Variants in PPFIA1 observed in about 807,000 individuals in gnomAD.
PPFIA1 encodes liprin-alpha-1.
A neutral mutation model predicts 149.9 loss-of-function variants in PPFIA1; 25 were observed. That is an observed-to-expected ratio of 0.17 (90% CI 0.12 to 0.23). The LOEUF (loss-of-function observed/expected upper bound fraction) is 0.23, where lower values mean the gene tolerates loss of function less well. Ranked by LOEUF, PPFIA1 falls within the 10% of genes least tolerant of loss-of-function variation. The probability of loss-of-function intolerance (pLI) is 1.00; values close to 1 mark genes in which losing one functional copy is unlikely to be tolerated. For synonymous variants in PPFIA1, 549 were observed against 552.8 expected (o/e 0.99, Z 0.10); for missense variants, 1,362 against 1,506.5 (o/e 0.90, Z 1.59).
chr11:70,355,787 A>C lies in PPFIA1; in HGVS notation c.2464A>C (p.Thr822Pro), dbSNP rs201925057. 16 of 1,612,564 alleles carry C rather than the reference A, an allele frequency of 9.9e-6. No homozygotes were observed. Among genetic ancestry groups the C allele is most frequent in the Non-Finnish European group, 1.3e-5 (15 of 1,179,604 alleles). Residue 822 changes from threonine (T) to proline (P), a missense_variant, in exon 18 of 28, where the codon ACT becomes CCT. By Grantham distance (38) the Thr-to-Pro change is conservative. Coordinates refer to ENST00000253925, the MANE Select transcript of PPFIA1 (RefSeq NM_003626.5). ...GKKEKGRPGQ[T>P]GKEALGQAGV... Reference sequence around the variant, plus strand: ...GAAAGAAAAGGGCCGACCTGGACAAACTGGCAAAGAAGCATTAGGACAAGG... The same window carrying C: ...GAAAGAAAAGGGCCGACCTGGACAACCTGGCAAAGAAGCATTAGGACAAGG...
chr11:70,330,736 C>A (rs989354002), intron 8 of PPFIA1, among the ~76,000 whole-genome samples: 1 of 152,074 alleles, frequency 6.6e-6, no homozygotes, highest in African/African-American at 2.4e-5. Context: ...GTGGGAAGAT[C>A]GCTTGAGCCC....
chr11:70,287,796 G>A (rs540777655), intron 2 of PPFIA1, among the ~76,000 whole-genome samples: 3 of 151,778 alleles, frequency 2.0e-5, no homozygotes, highest in African/African-American at 7.2e-5. Flanking sequence ...TGCATGTACC[G>A]CCACACCTGG....
Position 70,324,302 on chromosome 11 carries a change from G to C in PPFIA1, c.265-100G>C, listed in dbSNP as rs565404071. ...CACTGAGATCCCTTCCCCATAACTT[G>C]TAATGAGGTTGCCTTTGTGTGAAGA... On this transcript the variant is annotated intron_variant, in intron 2 of 27. Coordinates refer to ENST00000253925, the MANE Select transcript of PPFIA1 (RefSeq NM_003626.5). 1.8e-4 allele frequency: 142 copies of C among 780,762 alleles called. 2 individuals are homozygous for C. Among genetic ancestry groups the C allele is most frequent in the South Asian group, 3.3e-4 (18 of 54,694 alleles). 48.4% of individuals were successfully genotyped at this position (780,762 alleles called of 1,614,324 possible).
At chr11:70,280,814 T>G (rs1360745368) in intron 2 of PPFIA1, among the ~76,000 whole-genome samples, 2 of 152,188 alleles carry the variant, frequency 1.3e-5, no homozygotes, top group African/African-American at 4.8e-5. Context: ...GTGAGCCTCC[T>G]ACCTTGACAT....
chr11:70,296,134 A>G (rs919839376), intron 2 of PPFIA1, among the ~76,000 whole-genome samples: 1 of 146,014 alleles, frequency 6.8e-6, no homozygotes, highest in African/African-American at 2.6e-5. Context: ...GGCAGCCGGG[A>G]AGAGGTGCTC....
At chr11:70,305,543 T>TA (rs1315023357) in intron 2 of PPFIA1, among the ~76,000 whole-genome samples, 3 of 152,152 alleles carry the variant, frequency 2.0e-5, no homozygotes, top group Non-Finnish European at 4.4e-5. Flanking sequence ...GGCTATTTTT[T>TA]TAATTTTTGT....
intron 8 of PPFIA1, among the ~76,000 whole-genome samples, chr11:70,330,952 G>A (rs978933858): frequency 6.6e-6 from 1 of 151,966 alleles, no homozygotes; most frequent in Non-Finnish European, 1.5e-5. Context: ...TAAAAAATGC[G>A]GCCAGGCGCG....
At chr11:70,311,896 T>C (rs1302093190) in intron 2 of PPFIA1, among the ~76,000 whole-genome samples, 2 of 132,798 alleles carry the variant, frequency 1.5e-5, no homozygotes, top group South Asian at 2.5e-4. Context: ...CAGGCTGGAA[T>C]AGAGTGGTGT....
In PPFIA1 at chr11:70,312,304, C is replaced by A. The variant is rs563731241; in HGVS notation, c.265-12098C>A. Among the ~76,000 whole-genome samples the A allele has an allele frequency of 2.0e-3, 302 of 151,940 alleles. 2 individuals carry two copies. Among genetic ancestry groups the A allele is most frequent in the African/African-American group, 6.9e-3 (285 of 41,464 alleles). On this transcript the variant is annotated intron_variant, in intron 2 of 27. Transcript: ENST00000253925. ...TTCCTGGGCTCAAGTGAGGCTCCCA[C>A]GTCAGCCCGCAAAGTAGCTGGGAAT...
intron 8 of PPFIA1, among the ~76,000 whole-genome samples, chr11:70,331,759 G>A (rs2054678324): frequency 6.6e-6 from 1 of 151,440 alleles, no homozygotes; most frequent in East Asian, 1.9e-4. Flanking sequence ...CAGCCTGGGT[G>A]ACAAAGCGAG....
chr11:70,363,488 T>G (rs1242756156), intron 21 of PPFIA1: 2 of 152,234 alleles, frequency 1.3e-5, no homozygotes, highest in Non-Finnish European at 2.9e-5. Flanking sequence ...CCAGGCTTCT[T>G]AGAAGCACCC....
chr11:70,325,923 ACT>A (rs1489285405), intron 5 of PPFIA1, among the ~76,000 whole-genome samples: 1 of 137,994 alleles, frequency 7.2e-6, no homozygotes, highest in African/African-American at 2.9e-5. Context: ...ACAGAGCAAG[ACT>A]CTGTCTCCAA....
chr11:70,338,227 A>G (rs952198131), intron 12 of PPFIA1, 147 bp from the exon 13 acceptor site: 1 of 635,500 alleles, frequency 1.6e-6, no homozygotes, highest in Non-Finnish European at 2.7e-6. Flanking sequence ...ACTCTTGGAG[A>G]AAATTTTCCC....
At chr11:70,287,689 G>C (rs989644288) in intron 2 of PPFIA1, among the ~76,000 whole-genome samples, 2 of 151,554 alleles carry the variant, frequency 1.3e-5, no homozygotes, top group African/African-American at 2.4e-5. Context: ...TGTTTCCTAG[G>C]CTGGAGCGCA....
chr11:70,295,254 C>G lies in PPFIA1; in HGVS notation c.264+22818C>G, dbSNP rs1490786551. The stretch of plus-strand genomic sequence containing the variant: ...GGGGCTGACCCCCCCACCTCCCTCC[C>G]GGACGGGGTGGCTGGCCGGGCGAGG... On this transcript the variant is annotated intron_variant, in intron 2 of 27. Coordinates refer to ENST00000253925, the MANE Select transcript of PPFIA1 (RefSeq NM_003626.5). Among the ~76,000 whole-genome samples, 2 of 142,590 alleles carry G rather than the reference C, an allele frequency of 1.4e-5. 1 individual carries two copies. Among genetic ancestry groups the G allele is most frequent in the Non-Finnish European group, 3.1e-5 (2 of 65,376 alleles). 93.5% of individuals were successfully genotyped at this position (142,590 alleles called of 152,430 possible).
chr11:70,328,088 T>A (rs1341070838), intron 7 of PPFIA1, among the ~76,000 whole-genome samples: 1 of 152,236 alleles, frequency 6.6e-6, no homozygotes, highest in Non-Finnish European at 1.5e-5. Context: ...TTTAATTTTT[T>A]ATTTTAACTT....
Position 70,366,706 on chromosome 11 carries a change from A to C in PPFIA1, c.2865+4218A>C, listed in dbSNP as rs1015297910. On this transcript the variant is annotated intron_variant, in intron 21 of 27. Coordinates refer to ENST00000253925, the MANE Select transcript of PPFIA1 (RefSeq NM_003626.5). ...GGACTGTATTTGAGGGCTTCAGAATAATCATTATATATCTGAAAAGAATCA... is the reference window on the plus strand; with the variant it reads ...GGACTGTATTTGAGGGCTTCAGAATCATCATTATATATCTGAAAAGAATCA... Among the ~76,000 whole-genome samples the C allele has an allele frequency of 3.9e-5, 6 of 152,340 alleles. No homozygotes were observed. The East Asian group carries it at 1.2e-3, about 29-fold the overall frequency.
intron 16 of PPFIA1, chr11:70,349,915 T>C (rs914014230): frequency 2.2e-6 from 1 of 455,814 alleles, no homozygotes; most frequent in African/African-American, 2.0e-5. Context: ...TTTGTTTTAT[T>C]ATTTTAGCCA....
chr11:70,311,637 G>T (rs1234544709), intron 2 of PPFIA1, among the ~76,000 whole-genome samples: 1 of 152,140 alleles, frequency 6.6e-6, no homozygotes, highest in Non-Finnish European at 1.5e-5. Flanking sequence ...TAGAGGGCTG[G>T]TGGCGATACT....
Sources: allele counts gnomAD v4.1 joint callset (sites outside exome capture counted in the v4.1 genomes callset), GRCh38; gene constraint gnomAD v4.1.1; transcripts MANE v1.5; gene names NCBI Gene and HGNC (gene_info 2026-07-23, HGNC 2026-07-21).